The following SCGB2B2 variants were observed in gnomAD, a reference collection of about 807,000 sequenced individuals.
The protein encoded by SCGB2B2 is secretoglobin family 2B member 2.
A neutral mutation model predicts 7.6 loss-of-function variants in SCGB2B2; 11 were observed. The observed-to-expected ratio is 1.45, with a 90% CI of 0.91 to 2.40. SCGB2B2 has a LOEUF of 2.40. SCGB2B2 is among the 30% of genes most tolerant of loss of function. The pLI is 0.00. For missense variants in SCGB2B2, 104 were observed against 115.4 expected, an observed-to-expected ratio of 0.90 and a Z score of 0.45; for synonymous variants, 50 against 48.6, an observed-to-expected ratio of 1.03 and a Z score of -0.12.
chr19:34,666,652 C>A (rs1161242604), intron 1 of SCGB2B2, among the ~76,000 whole-genome samples: 6 of 152,306 alleles, frequency 3.9e-5, no homozygotes, highest in African/African-American at 1.4e-4. Context: ...GTTTAAAGAC[C>A]CCATCTCCCC....
intron 1 of SCGB2B2, among the ~76,000 whole-genome samples, chr19:34,636,274 G>A (rs1394893275): frequency 2.0e-5 from 3 of 152,212 alleles, no homozygotes; most frequent in Admixed American, 6.5e-5. Flanking sequence ...CAAGTACACA[G>A]GACTCTTGGG....
rs556385878 is a variant in SCGB2B2 at position 34,590,853 on chromosome 19, T to A, written c.*2702A>T. Reference sequence around the variant, plus strand: ...GACAATTATTTTCTAACATTTTCCTTATTCTTTCAAACACATGTGAAATGC... The same window carrying A: ...GACAATTATTTTCTAACATTTTCCTAATTCTTTCAAACACATGTGAAATGC... On this transcript the variant is annotated 3_prime_UTR_variant, in exon 4 of 4. Transcript: ENST00000601241. Among the ~76,000 whole-genome samples the A allele has an allele frequency of 2.0e-5, 3 of 152,352 alleles. No homozygotes were observed. In the South Asian group the frequency reaches 6.2e-4, roughly 32 times the overall value.
At chr19:34,661,814 A>G (rs1284409012) in intron 1 of SCGB2B2, among the ~76,000 whole-genome samples, 1 of 150,296 alleles carries the variant, frequency 6.7e-6, no homozygotes, top group Non-Finnish European at 1.5e-5. Context: ...TAAAAACATT[A>G]TGAGTTTTTC....
At chr19:34,625,488 G>A (rs915317889) in intron 1 of SCGB2B2, among the ~76,000 whole-genome samples, 16 of 152,190 alleles carry the variant, frequency 1.1e-4, no homozygotes, top group Non-Finnish European at 2.1e-4. Context: ...TGCATGGCTC[G>A]GAGGGTCCTA....
Position 34,594,240 on chromosome 19 carries a change from G to C in SCGB2B2, c.181C>G (p.Leu61Val), listed in dbSNP as rs1396158105. Residue 61 changes from leucine (L) to valine (V), a missense_variant, in exon 3 of 4, where the codon CTC becomes GTC. Coordinates refer to ENST00000601241, the MANE Select transcript of SCGB2B2 (RefSeq NM_001025591.4). ...TTGGCAAAGCATTGCTGGACATTGA[G>C]GAAGGACTCCTCTGTCAGGGGACTG... Reference protein sequence around the residue: ...NPSPLTEESFLNVQQCFANVS... With the variant: ...NPSPLTEESFVNVQQCFANVS... 6.2e-7 allele frequency: 1 copy of C among 1,614,124 alleles called. No individual in the cohort carries two copies. Among genetic ancestry groups the C allele is most frequent in the Non-Finnish European group, 8.5e-7 (1 of 1,179,994 alleles).
chr19:34,612,005 T>C (rs2065940763), intron 1 of SCGB2B2, among the ~76,000 whole-genome samples: 1 of 146,490 alleles, frequency 6.8e-6, no homozygotes, highest in East Asian at 2.0e-4. Flanking sequence ...TTTCATATAT[T>C]TGTGTTTTAG....
chr19:34,605,932 A>G (rs2065764091), intron 1 of SCGB2B2, among the ~76,000 whole-genome samples: 1 of 152,060 alleles, frequency 6.6e-6, no homozygotes, highest in Admixed American at 6.5e-5. Context: ...ATCTTTATTA[A>G]TATTCATTTT....
intron 1 of SCGB2B2, among the ~76,000 whole-genome samples, chr19:34,596,895 A>G (rs897520259): frequency 7.9e-5 from 12 of 151,796 alleles, no homozygotes; most frequent in Non-Finnish European, 2.9e-5. Context: ...ACCCCAGAGC[A>G]CTGTGTCCCG....
chr19:34,603,100 T>C (rs2065677457), intron 1 of SCGB2B2, among the ~76,000 whole-genome samples: 1 of 152,220 alleles, frequency 6.6e-6, no homozygotes. Flanking sequence ...CCAGCAACAG[T>C]TGCAGATTCT....
chr19:34,664,172 A>C (rs764503802), intron 1 of SCGB2B2, among the ~76,000 whole-genome samples: 3 of 152,226 alleles, frequency 2.0e-5, no homozygotes, highest in Non-Finnish European at 4.4e-5. Context: ...AAAGCAAAGC[A>C]GTTGAGCTGG....
intron 1 of SCGB2B2, among the ~76,000 whole-genome samples, chr19:34,619,328 T>C (rs1438398845): frequency 6.6e-6 from 1 of 152,214 alleles, no homozygotes; most frequent in Non-Finnish European, 1.5e-5. Context: ...TTAAGTCAAC[T>C]TTTAAGTATA....
intron 1 of SCGB2B2, among the ~76,000 whole-genome samples, chr19:34,606,705 A>C (rs1186576175): frequency 6.6e-6 from 1 of 152,100 alleles, no homozygotes; most frequent in Non-Finnish European, 1.5e-5. Context: ...AGATTTATAT[A>C]ACTTTTATTA....
intron 1 of SCGB2B2, among the ~76,000 whole-genome samples, chr19:34,636,843 G>GAGCCAGTCCCCC (rs2066694534): frequency 6.6e-6 from 1 of 152,120 alleles, no homozygotes; most frequent in South Asian, 2.1e-4. Flanking sequence ...GCCAGTCCCC[G>GAGCCAGTCCCCC]CCAGAGTCCC....
Position 34,626,109 on chromosome 19 carries a change from C to T in SCGB2B2, c.-2031-29515G>A, listed in dbSNP as rs375445149. Among the ~76,000 whole-genome samples, 45 of 152,190 alleles carry T rather than the reference C, an allele frequency of 3.0e-4. No homozygotes were observed. In the South Asian group the frequency reaches 6.2e-3, roughly 21 times the overall value. On this transcript the variant is annotated intron_variant, in intron 1 of 3. Coordinates refer to ENST00000601241, the MANE Select transcript of SCGB2B2 (RefSeq NM_001025591.4). ...CATCCACACCAAAACCCCATCTGTA[C>T]GTCACCATCATCAAAGACCAAAGGT...
chr19:34,598,079 C>A (rs1318608859), intron 1 of SCGB2B2, among the ~76,000 whole-genome samples: 1 of 152,098 alleles, frequency 6.6e-6, no homozygotes, highest in Non-Finnish European at 1.5e-5. Context: ...GCGGGGGCTG[C>A]AAGACTGAGC....
intron 3 of SCGB2B2, 150 bp downstream of exon 3, chr19:34,594,025 G>A (rs916320997): frequency 3.1e-6 from 2 of 650,604 alleles, no homozygotes; most frequent in African/African-American, 3.6e-5. Context: ...CCCTGTTGGG[G>A]CAGGTGGGGA....
intron 1 of SCGB2B2, among the ~76,000 whole-genome samples, chr19:34,616,111 C>T (rs1192850050): frequency 6.7e-6 from 1 of 148,654 alleles, no homozygotes; most frequent in African/African-American, 2.5e-5. Context: ...GGGTTGGTTC[C>T]AAGTCTTTGC....
At chr19:34,607,707 A>G (rs906514317) in intron 1 of SCGB2B2, among the ~76,000 whole-genome samples, 1 of 152,262 alleles carries the variant, frequency 6.6e-6, no homozygotes, top group African/African-American at 2.4e-5. Context: ...CGTGATGGTG[A>G]ACATCTTTTC....
chr19:34,622,452 C>T (rs1018004827), intron 1 of SCGB2B2, among the ~76,000 whole-genome samples: 1 of 152,104 alleles, frequency 6.6e-6, no homozygotes, highest in Non-Finnish European at 1.5e-5. Context: ...TTGCAAAATT[C>T]AATAATGCCT....
Sources: gnomAD v4.1 joint callset for allele counts (sites outside exome capture counted in the v4.1 genomes callset) on GRCh38, gnomAD v4.1.1 for gene constraint, MANE v1.5 for transcripts, NCBI Gene and HGNC (gene_info 2026-07-23, HGNC 2026-07-21) for gene names.